The following SDC2 variants were observed in gnomAD, a reference collection of about 807,000 sequenced individuals.
SDC2 encodes the protein syndecan-2.
A neutral mutation model predicts 22.2 loss-of-function variants in SDC2; 13 were observed. The ratio of observed to expected loss-of-function variants is 0.59; its 90% CI spans 0.38 to 0.93. The LOEUF (loss-of-function observed/expected upper bound fraction) is 0.93, where lower values mean the gene tolerates loss of function less well. Ranked by LOEUF, SDC2 falls within the 40% of genes least tolerant of loss-of-function variation. The pLI, the probability that SDC2 is intolerant of heterozygous loss-of-function variation, is 0.00. For missense variants in SDC2, 235 were observed against 246.8 expected, an observed-to-expected ratio of 0.95 and a Z score of 0.32; for synonymous variants, 94 against 92.8, an observed-to-expected ratio of 1.01 and a Z score of -0.07.
At chr8:96,570,074 T>G (rs763828280) in intron 1 of SDC2, among the ~76,000 whole-genome samples, 16 of 152,218 alleles carry the variant, frequency 1.1e-4, no homozygotes, top group Non-Finnish European at 2.2e-4. Context: ...GTGCCTTAAA[T>G]GTTAACTGAT....
intron 1 of SDC2, among the ~76,000 whole-genome samples, chr8:96,524,064 G>A (rs961179655): frequency 6.6e-6 from 1 of 152,204 alleles, no homozygotes; most frequent in East Asian, 1.9e-4. Flanking sequence ...CAGACAGTGA[G>A]CTAAGAAGTA....
At chr8:96,527,123 T>G (rs1229499742) in intron 1 of SDC2, among the ~76,000 whole-genome samples, 1 of 152,186 alleles carries the variant, frequency 6.6e-6, no homozygotes, top group African/African-American at 2.4e-5. Context: ...AGTAGGTGCT[T>G]AGTAAATACT....
At chr8:96,580,779 G>T (rs2130604343) in intron 1 of SDC2, among the ~76,000 whole-genome samples, 1 of 152,290 alleles carries the variant, frequency 6.6e-6, no homozygotes, top group Non-Finnish European at 1.5e-5. Context: ...GGTGCTCATT[G>T]CCATTGGCTA....
intron 1 of SDC2, among the ~76,000 whole-genome samples, chr8:96,544,682 A>G (rs990219471): frequency 6.6e-6 from 1 of 152,146 alleles, no homozygotes; most frequent in African/African-American, 2.4e-5. Flanking sequence ...GTGTCCCCAC[A>G]GCACTTTGCA....
At chr8:96,528,327 C>G (rs182663976) in intron 1 of SDC2, among the ~76,000 whole-genome samples, 1 of 152,178 alleles carries the variant, frequency 6.6e-6, no homozygotes, top group African/African-American at 2.4e-5. Context: ...AAGTACATAA[C>G]AGTATTCATT....
At chr8:96,531,999 G>A (rs986030068) in intron 1 of SDC2, among the ~76,000 whole-genome samples, 13 of 152,224 alleles carry the variant, frequency 8.5e-5, no homozygotes, top group Middle Eastern at 3.4e-3. Flanking sequence ...GTAGACTAGC[G>A]ACACCTTCCA....
At chr8:96,572,401 G>A (rs1055278788) in intron 1 of SDC2, among the ~76,000 whole-genome samples, 2 of 152,126 alleles carry the variant, frequency 1.3e-5, no homozygotes, top group Non-Finnish European at 2.9e-5. Context: ...GGTCTTTTGT[G>A]GAGGAGTTCT....
intron 1 of SDC2, among the ~76,000 whole-genome samples, chr8:96,565,296 G>A (rs945338696): frequency 1.3e-5 from 2 of 150,818 alleles, no homozygotes; most frequent in African/African-American, 2.4e-5. Flanking sequence ...CATGTTGGCC[G>A]GGATGGTCTC....
intron 1 of SDC2, among the ~76,000 whole-genome samples, chr8:96,537,944 GTTTTGT>G (rs142105921): frequency 7.9e-4 from 119 of 151,388 alleles, no homozygotes; most frequent in East Asian, 2.5e-3. Context: ...TAAAGCTTAT[GTTTTGT>G]TTTTTGTTTG....
intron 1 of SDC2, among the ~76,000 whole-genome samples, chr8:96,537,023 A>G (rs1415252976): frequency 2.0e-5 from 3 of 152,212 alleles, no homozygotes; most frequent in Non-Finnish European, 4.4e-5. Context: ...CAATTTATCT[A>G]TATTATAAAA....
intron 1 of SDC2, among the ~76,000 whole-genome samples, chr8:96,585,488 A>G (rs964170977): frequency 7.2e-5 from 11 of 152,154 alleles, no homozygotes; most frequent in Admixed American, 3.9e-4. Flanking sequence ...GTGTGTACCC[A>G]GGGCTGCTCA....
chr8:96,558,164 G>T (rs1199709579), intron 1 of SDC2, among the ~76,000 whole-genome samples: 1 of 151,990 alleles, frequency 6.6e-6, no homozygotes, highest in African/African-American at 2.4e-5. Flanking sequence ...GTTTTGCTAG[G>T]GTTCAGACAT....
intron 1 of SDC2, among the ~76,000 whole-genome samples, chr8:96,505,794 A>G (rs899827609): frequency 6.6e-6 from 1 of 152,230 alleles, no homozygotes; most frequent in Non-Finnish European, 1.5e-5. Context: ...CAGTTTAACA[A>G]TGGACACACG....
intron 1 of SDC2, among the ~76,000 whole-genome samples, chr8:96,536,931 T>G (rs957919953): frequency 6.6e-6 from 1 of 152,148 alleles, no homozygotes. Context: ...AGACTTCAGG[T>G]CCCCCATTGA....
chr8:96,544,874 A>G (rs1366125204), intron 1 of SDC2, among the ~76,000 whole-genome samples: 1 of 152,204 alleles, frequency 6.6e-6, no homozygotes, highest in African/African-American at 2.4e-5. Flanking sequence ...TAAAAATGTA[A>G]TTGTATATTT....
At chr8:96,540,177 C>T (rs1457212175) in intron 1 of SDC2, among the ~76,000 whole-genome samples, 2 of 151,278 alleles carry the variant, frequency 1.3e-5, no homozygotes, top group Non-Finnish European at 2.9e-5. Flanking sequence ...AAAAAGCCCC[C>T]CCGCCCCGCC....
At chr8:96,495,689 C>T (rs1339164740) in intron 1 of SDC2, among the ~76,000 whole-genome samples, 2 of 151,830 alleles carry the variant, frequency 1.3e-5, no homozygotes, top group East Asian at 1.9e-4. Context: ...CTTTTTTGTG[C>T]TGAGGCTAAT....
At chr8:96,553,613 A>G (rs565428732) in intron 1 of SDC2, among the ~76,000 whole-genome samples, 29 of 152,230 alleles carry the variant, frequency 1.9e-4, no homozygotes, top group African/African-American at 7.0e-4. Context: ...TTTTTTGGCA[A>G]CAAGAACCGC....
chr8:96,604,201 A>C (rs1043413529), intron 3 of SDC2, among the ~76,000 whole-genome samples: 2 of 152,186 alleles, frequency 1.3e-5, no homozygotes, highest in African/African-American at 4.8e-5. Flanking sequence ...AGCAAGACTT[A>C]ATTTGACATA....
Sources: allele counts gnomAD v4.1 joint callset (sites outside exome capture counted in the v4.1 genomes callset), GRCh38; gene constraint gnomAD v4.1.1; transcripts MANE v1.5; gene names NCBI Gene and HGNC (gene_info 2026-07-23, HGNC 2026-07-21).